USH2A: variants seen among roughly 807,000 people sequenced by gnomAD.
The protein encoded by USH2A is usherin.
A neutral mutation model predicts 538.9 loss-of-function variants in USH2A; 443 were observed. That is an observed-to-expected ratio of 0.82 (90% confidence interval 0.76 to 0.89). The LOEUF (loss-of-function observed/expected upper bound fraction) is 0.89, where lower values mean the gene tolerates loss of function less well. Ranked by LOEUF, USH2A falls within the 40% of genes least tolerant of loss-of-function variation. The pLI is 0.00. For synonymous variants in USH2A, 2,413 were observed against 2,273.5 expected (o/e 1.06, Z -1.75); for missense variants, 6,633 against 6,324.8 (o/e 1.05, Z -1.65).
intron 42 of USH2A, among the ~76,000 whole-genome samples, chr1:215,878,178 G>A (rs572289997): frequency 3.6e-4 from 54 of 152,020 alleles, no homozygotes; most frequent in Admixed American, 2.8e-3. Flanking sequence ...TGCCAGTTTC[G>A]CACAAAGTAG....
intron 61 of USH2A, among the ~76,000 whole-genome samples, chr1:215,685,089 A>G (rs1658371539): frequency 6.6e-6 from 1 of 152,156 alleles, no homozygotes; most frequent in Admixed American, 6.5e-5. Context: ...TCGAGCTCCC[A>G]TTAACTGTTA....
chr1:216,213,782 A>T (rs1333195378), intron 15 of USH2A, among the ~76,000 whole-genome samples: 1 of 151,766 alleles, frequency 6.6e-6, no homozygotes, highest in East Asian at 1.9e-4. Context: ...GTATACCAAT[A>T]AAAAAAATGA....
chr1:215,886,039 C>T (rs1665045191), intron 41 of USH2A, among the ~76,000 whole-genome samples: 1 of 152,160 alleles, frequency 6.6e-6, no homozygotes. Flanking sequence ...TCCCTACTGC[C>T]TAAAAGAGGC....
At chr1:215,771,122 T>A (rs1309815874) in intron 55 of USH2A, among the ~76,000 whole-genome samples, 38 of 142,366 alleles carry the variant, frequency 2.7e-4, no homozygotes, top group African/African-American at 9.4e-4. Flanking sequence ...GTAGCTAGAC[T>A]GCCTAAAAAA....
chr1:216,203,228 T>C (rs1158677756), intron 16 of USH2A, among the ~76,000 whole-genome samples: 1 of 151,864 alleles, frequency 6.6e-6, no homozygotes, highest in African/African-American at 2.4e-5. Context: ...CATACATATA[T>C]GTATATATAT....
chr1:215,829,111 T>C (rs1200338589), intron 47 of USH2A, among the ~76,000 whole-genome samples: 1 of 152,106 alleles, frequency 6.6e-6, no homozygotes, highest in Non-Finnish European at 1.5e-5. Flanking sequence ...CAGTAGTTAG[T>C]ATTCTTTTGG....
chr1:216,396,633 A>G (rs1454677663), intron 3 of USH2A, among the ~76,000 whole-genome samples: 1 of 152,174 alleles, frequency 6.6e-6, no homozygotes, highest in Non-Finnish European at 1.5e-5. Flanking sequence ...ATATCAAACT[A>G]CATACACAAG....
At chr1:216,326,428 A>T (rs544259864) in intron 5 of USH2A, among the ~76,000 whole-genome samples, 1 of 152,172 alleles carries the variant, frequency 6.6e-6, no homozygotes, top group South Asian at 2.1e-4. Context: ...ACATGAAGTC[A>T]TACCTTCTTT....
At chr1:215,779,819 T>A in intron 55 of USH2A, 24 bp downstream of exon 55, 1 of 1,611,924 alleles carries the variant, frequency 6.2e-7, no homozygotes, top group Non-Finnish European at 8.5e-7. Context: ...TCCAGTAGGA[T>A]TTCCTTTTTT....
chr1:216,019,888 C>A (rs188362694), intron 32 of USH2A, among the ~76,000 whole-genome samples: 46 of 152,224 alleles, frequency 3.0e-4, no homozygotes, highest in Admixed American at 2.9e-3. Flanking sequence ...ATGCTGTATA[C>A]CTACTTGCAA....
chr1:215,990,398 G>C (rs966681552), intron 35 of USH2A, among the ~76,000 whole-genome samples: 2 of 152,168 alleles, frequency 1.3e-5, no homozygotes, highest in African/African-American at 4.8e-5. Context: ...ATATGCCACT[G>C]ATCAAAGGTA....
At chr1:216,058,726 G>A (rs1406631740) in intron 30 of USH2A, among the ~76,000 whole-genome samples, 1 of 152,128 alleles carries the variant, frequency 6.6e-6, no homozygotes, top group Admixed American at 6.6e-5. Flanking sequence ...AAAGACTGAG[G>A]AGACTTTAGT....
Position 215,830,140 on chromosome 1 carries a change from C to T in USH2A, c.9371+7851G>A, listed in dbSNP as rs1388416747. ...CCCTCCTTTACTTCCCATCTTTAACCCAAGGGCAGTATCAGTGTGAAACTG... is the reference window on the plus strand; with the variant it reads ...CCCTCCTTTACTTCCCATCTTTAACTCAAGGGCAGTATCAGTGTGAAACTG... On this transcript the variant is annotated intron_variant, in intron 47 of 71. Transcript: ENST00000307340. Among the ~76,000 whole-genome samples the T allele has an allele frequency of 3.9e-5, 6 of 152,114 alleles. No homozygotes were observed. In the East Asian group the frequency reaches 1.2e-3, roughly 29 times the overall value.
intron 61 of USH2A, among the ~76,000 whole-genome samples, chr1:215,727,775 T>A (rs1436266003): frequency 1.3e-5 from 2 of 151,982 alleles, no homozygotes; most frequent in Non-Finnish European, 2.9e-5. Context: ...AATCAGGCAA[T>A]TTTATGAATA....
intron 30 of USH2A, among the ~76,000 whole-genome samples, chr1:216,069,564 G>A (rs1477494919): frequency 6.6e-6 from 1 of 152,128 alleles, no homozygotes; most frequent in Non-Finnish European, 1.5e-5. Flanking sequence ...AGTGTGAGAT[G>A]TGTTAGTGGT....
rs80259440 is a variant in USH2A at position 216,123,698 on chromosome 1, G to A, written c.4628-26485C>T. Among the ~76,000 whole-genome samples the A allele has an allele frequency of 9.4e-3, 1,424 of 152,144 alleles. 10 individuals are homozygous for A. The highest frequency in any genetic ancestry group is 0.016 in the Non-Finnish European group (1,069 of 67,980). ...TACACAATGGAAATTCAATGTTCCT[G>A]ACTTACACAGCCCAATGCAAAATTA... On this transcript the variant is annotated intron_variant, in intron 21 of 71. Transcript: ENST00000307340.
At chr1:216,300,881 T>G (rs1325544344) in intron 9 of USH2A, among the ~76,000 whole-genome samples, 1 of 151,756 alleles carries the variant, frequency 6.6e-6, no homozygotes, top group Non-Finnish European at 1.5e-5. Flanking sequence ...CCCGAGTATC[T>G]GGTACTACAG....
rs562509661 is a variant in USH2A at position 215,900,164 on chromosome 1, G to A, written c.7505C>T (p.Pro2502Leu). 16 of 1,613,648 alleles carry A rather than the reference G, an allele frequency of 9.9e-6. No individual in the cohort carries two copies. Among genetic ancestry groups the A allele is most frequent in the African/African-American group, 2.7e-5 (2 of 74,982 alleles). The change falls in exon 40 of 72, where the codon CCG (proline) becomes CTG (leucine). Residue 2502 changes from proline (P) to leucine (L), a missense_variant. Physicochemically the swap from Pro to Leu is moderately conservative, Grantham distance 98 (BLOSUM62 -3). Transcript: ENST00000307340. The stretch of plus-strand genomic sequence containing the variant: ...CAACCGAAACATATACTCTGTGTAC[G>A]GTTGGAGATCACTCACTTCATAGCT... ...SLSYEVSDLQ[P>L]YTEYMFRLVA...
chr1:215,805,142 G>A (rs1662460435), intron 49 of USH2A, among the ~76,000 whole-genome samples: 1 of 152,070 alleles, frequency 6.6e-6, no homozygotes, highest in Non-Finnish European at 1.5e-5. Context: ...TGTGGGGTGG[G>A]GAGATGGGGG....
Sources: allele counts gnomAD v4.1 joint callset (sites outside exome capture counted in the v4.1 genomes callset), GRCh38; gene constraint gnomAD v4.1.1; transcripts MANE v1.5; gene names NCBI Gene and HGNC (gene_info 2026-07-23, HGNC 2026-07-21).